Variants in MYH15 observed in about 807,000 individuals in gnomAD.
The protein encoded by MYH15 is myosin heavy chain 15.
In MYH15, 227 loss-of-function variants were observed where a neutral mutation model predicts 240.5. The ratio of observed to expected loss-of-function variants is 0.94; its 90% CI spans 0.85 to 1.05. The LOEUF is 1.05. Among genes scored for constraint, MYH15 ranks in the 50% least tolerant of loss-of-function variants. MYH15 has a pLI of 0.00. For synonymous variants in MYH15, 785 were observed against 796.7 expected (o/e 0.99, Z 0.25); for missense variants, 2,217 against 2,247.5 (o/e 0.99, Z 0.27).
intron 21 of MYH15, among the ~76,000 whole-genome samples, chr3:108,450,573 A>T (rs2082963490): frequency 6.6e-6 from 1 of 152,220 alleles, no homozygotes; most frequent in African/African-American, 2.4e-5. Context: ...TGTTGCTCAA[A>T]GGACACAACG....
At chr3:108,546,707 G>A in the MYH15 span, among the ~76,000 whole-genome samples, 1 of 152,230 alleles carries the variant, frequency 6.6e-6, no homozygotes, top group East Asian at 1.9e-4. Flanking sequence ...CATTTATGAA[G>A]GGATACTTGT....
chr3:108,516,787 G>T (rs989135436), intron 1 of MYH15, among the ~76,000 whole-genome samples: 2 of 152,162 alleles, frequency 1.3e-5, no homozygotes, highest in Non-Finnish European at 2.9e-5. Context: ...TCTTCAAAGA[G>T]GAATGTTAAA....
intron 1 of MYH15, among the ~76,000 whole-genome samples, chr3:108,522,160 TAGG>T (rs2083624427): frequency 6.6e-6 from 1 of 151,566 alleles, no homozygotes; most frequent in South Asian, 2.1e-4. Context: ...TGGGGAGCAA[TAGG>T]AGATGTATGT....
At chr3:108,503,782 A>G (rs1382762229) in intron 2 of MYH15, among the ~76,000 whole-genome samples, 1 of 152,216 alleles carries the variant, frequency 6.6e-6, no homozygotes, top group Non-Finnish European at 1.5e-5. Context: ...TATATGATCC[A>G]GCAATACACT....
chr3:108,525,514 T>C (rs958421351), intron 1 of MYH15, among the ~76,000 whole-genome samples: 3 of 152,120 alleles, frequency 2.0e-5, no homozygotes, highest in Non-Finnish European at 1.5e-5. Context: ...CTGATGCTTT[T>C]AGCAATCTAG....
intron 1 of MYH15, among the ~76,000 whole-genome samples, chr3:108,508,607 G>A (rs1019764313): frequency 3.9e-5 from 6 of 152,136 alleles, no homozygotes; most frequent in African/African-American, 1.4e-4. Flanking sequence ...GAAGAATAAT[G>A]TATGAAGAAA....
At chr3:108,515,201 C>T (rs1425852472), upstream of MYH15, among the ~76,000 whole-genome samples, 1 of 152,102 alleles carries the variant, frequency 6.6e-6, no homozygotes, top group Non-Finnish European at 1.5e-5. Context: ...AGGGTATCCC[C>T]CTGGAATACA....
chr3:108,466,811 A>G (rs182428907), intron 14 of MYH15, among the ~76,000 whole-genome samples: 6 of 152,150 alleles, frequency 3.9e-5, no homozygotes, highest in African/African-American at 1.4e-4. Flanking sequence ...GCAGGCTGTG[A>G]GCATAAGTGG....
At chr3:108,547,742 T>A in the MYH15 span, among the ~76,000 whole-genome samples, 2 of 152,188 alleles carry the variant, frequency 1.3e-5, no homozygotes, top group African/African-American at 4.8e-5. Context: ...ACCAAAATGT[T>A]CAATTTTCTA....
Position 108,428,697 on chromosome 3 carries a change from A to G in MYH15, c.3497T>C (p.Leu1166Pro), listed in dbSNP as rs1045523804. Residue 1166 changes from leucine to proline, a missense_variant, in exon 27 of 41, where the codon CTG becomes CCG. Transcript: ENST00000693548. ...AGTGGCCTCTTCCATGTCTCGGTGC[A>G]GCTTCTGGAATTTGGTTTCCTGTTT... ...TKKQETKFQK[L>P]HRDMEEATLH... 10 of 1,613,276 alleles carry G rather than the reference A, an allele frequency of 6.2e-6. No homozygotes were observed. The highest frequency in any genetic ancestry group is 8.5e-6 in the Non-Finnish European group (10 of 1,179,856).
At chr3:108,480,853 G>T (rs932011035) in intron 11 of MYH15, among the ~76,000 whole-genome samples, 4 of 152,184 alleles carry the variant, frequency 2.6e-5, no homozygotes, top group Non-Finnish European at 5.9e-5. Flanking sequence ...AAGAGGCAAA[G>T]GCTAAGATGC....
At chr3:108,430,746 C>G in intron 26 of MYH15, 86 bp downstream of exon 26, 1 of 1,063,298 alleles carries the variant, frequency 9.4e-7, no homozygotes, top group Non-Finnish European at 1.4e-6. Context: ...GGTATGAATA[C>G]CTTGGCAGAG....
chr3:108,477,231 T>G (rs1330079875), intron 11 of MYH15, among the ~76,000 whole-genome samples: 1 of 152,158 alleles, frequency 6.6e-6, no homozygotes, highest in African/African-American at 2.4e-5. Context: ...AAAGGCCACA[T>G]ATTGCAGGAT....
chr3:108,496,004 T>A, intron 6 of MYH15, 132 bp from the exon 7 acceptor site: 2 of 584,980 alleles, frequency 3.4e-6, no homozygotes, highest in Non-Finnish European at 5.8e-6. Context: ...CTTCCAAATT[T>A]GGTTATATTA....
intron 1 of MYH15, among the ~76,000 whole-genome samples, chr3:108,523,627 A>G (rs1380430911): frequency 6.6e-6 from 1 of 151,772 alleles, no homozygotes; most frequent in Non-Finnish European, 1.5e-5. Context: ...CCCATATTAG[A>G]TCTTGGATTC....
At chr3:108,473,990 T>C (rs1045554839) in intron 12 of MYH15, among the ~76,000 whole-genome samples, 2 of 152,220 alleles carry the variant, frequency 1.3e-5, no homozygotes, top group Non-Finnish European at 2.9e-5. Flanking sequence ...TAAATGCCAA[T>C]TACCATTGAG....
chr3:108,455,694 C>G (rs748685171), intron 20 of MYH15, 42 bp downstream of exon 20: 17 of 1,603,082 alleles, frequency 1.1e-5, no homozygotes, highest in Non-Finnish European at 1.4e-5. Flanking sequence ...CAGTCTTCCC[C>G]CCATTCGTCT....
At chr3:108,446,296 G>A (rs79552385) in intron 21 of MYH15, among the ~76,000 whole-genome samples, 2,316 of 152,188 alleles carry the variant, frequency 0.015, 56 homozygotes, top group African/African-American at 0.049. Flanking sequence ...AGTGTATACA[G>A]CCTCCAGGCT....
Position 108,510,540 on chromosome 3 carries a change from A to G in MYH15, c.-10T>C. On this transcript the variant is annotated 5_prime_UTR_variant, in exon 1 of 41. Coordinates refer to ENST00000693548, the MANE Select transcript of MYH15 (RefSeq NM_014981.3). ...GGTCTGACAGATCCATCTTTATTAA[A>G]GCAATCCACCAAAAAAAGGCCCTAA... The G allele has an allele frequency of 6.2e-7, 1 of 1,613,706 alleles. No individual in the cohort carries two copies. Among genetic ancestry groups the G allele is most frequent in the Non-Finnish European group, 8.5e-7 (1 of 1,179,774 alleles).
Sources: allele counts gnomAD v4.1 joint callset (sites outside exome capture counted in the v4.1 genomes callset), GRCh38; gene constraint gnomAD v4.1.1; transcripts MANE v1.5; gene names NCBI Gene and HGNC (gene_info 2026-07-23, HGNC 2026-07-21).